Variants in HTR3B observed in about 807,000 individuals in gnomAD.
The protein encoded by HTR3B is 5-hydroxytryptamine (serotonin) receptor 3B, ionotropic.
In HTR3B, 44 loss-of-function variants were observed where a neutral mutation model predicts 42.8. That is an observed-to-expected ratio of 1.03 (90% CI 0.81 to 1.32). The LOEUF (loss-of-function observed/expected upper bound fraction) is 1.32. Ranked by LOEUF, HTR3B falls within the 40% of genes most tolerant of loss-of-function variation. The pLI, the probability that HTR3B is intolerant of heterozygous loss-of-function variation, is 0.00. For missense variants in HTR3B, 527 were observed against 536.5 expected, an observed-to-expected ratio of 0.98 and a Z score of 0.17; for synonymous variants, 203 against 209.0, an observed-to-expected ratio of 0.97 and a Z score of 0.25.
intron 6 of HTR3B, among the ~76,000 whole-genome samples, chr11:113,939,260 C>T (rs1176735): frequency 0.053 from 8,071 of 152,220 alleles, 662 homozygotes; most frequent in African/African-American, 0.18. Context: ...CACCCTTGTC[C>T]CTATGTCTTT....
At chr11:113,917,845 T>C (rs1397520953) in intron 2 of HTR3B, among the ~76,000 whole-genome samples, 1 of 152,168 alleles carries the variant, frequency 6.6e-6, no homozygotes, top group East Asian at 1.9e-4. Flanking sequence ...GCTTAAGCAA[T>C]CTGCCCACCT....
chr11:113,942,761 TTAA>T (rs1950145582), intron 6 of HTR3B, among the ~76,000 whole-genome samples: 7 of 152,212 alleles, frequency 4.6e-5, no homozygotes, highest in Admixed American at 3.9e-4. Context: ...ATTATCACTA[TTAA>T]TAATATTAAT....
intron 2 of HTR3B, 135 bp from the exon 3 acceptor site, chr11:113,931,249 G>T: frequency 3.1e-6 from 2 of 640,384 alleles, no homozygotes; most frequent in Non-Finnish European, 5.5e-6. Flanking sequence ...GTATTGAAGA[G>T]TCTAGGTAAT....
chr11:113,932,370 G>A lies in HTR3B; in HGVS notation c.450G>A (p.Gln150=). The A allele has an allele frequency of 6.2e-7, 1 of 1,613,784 alleles. No individual in the cohort carries two copies. Among genetic ancestry groups the A allele is most frequent in the Non-Finnish European group, 8.5e-7 (1 of 1,179,714 alleles). Residue 150 remains glutamine (Q), a synonymous_variant, in exon 5 of 9, where the codon CAG becomes CAA. Transcript: ENST00000260191. ...SGTIENYKPI[Q]VVSACSLETY... is the part of the protein sequence containing the mutation. ...CCATTGAGAACTATAAGCCCATCCAGGTGGTCTCTGCGTGCAGTTTAGAGA... is the reference window on the plus strand; with the variant it reads ...CCATTGAGAACTATAAGCCCATCCAAGTGGTCTCTGCGTGCAGTTTAGAGA...
intron 2 of HTR3B, among the ~76,000 whole-genome samples, chr11:113,927,358 C>T (rs1949985584): frequency 1.3e-5 from 2 of 151,764 alleles, no homozygotes; most frequent in African/African-American, 4.8e-5. Context: ...AGCTTGGTAA[C>T]TTAAAAAAAT....
chr11:113,905,345 A>C (rs1302999503), intron 1 of HTR3B, among the ~76,000 whole-genome samples: 2 of 152,126 alleles, frequency 1.3e-5, no homozygotes, highest in Non-Finnish European at 2.9e-5. Context: ...TGTGTGGATA[A>C]TATGTTTTTA....
intron 2 of HTR3B, among the ~76,000 whole-genome samples, chr11:113,919,151 C>A (rs1024762227): frequency 6.6e-6 from 1 of 151,554 alleles, no homozygotes; most frequent in Non-Finnish European, 1.5e-5. Flanking sequence ...TTTAGCGATC[C>A]ATCTTTGTAT....
In HTR3B at chr11:113,947,886, G is replaced by A. The variant is rs944517214; in HGVS notation, c.*1749G>A. Among the ~76,000 whole-genome samples the A allele has an allele frequency of 2.1e-4, 32 of 152,158 alleles. No homozygotes were observed. Among genetic ancestry groups the A allele is most frequent in the Admixed American group, 2.0e-3 (30 of 15,278 alleles). ...CTGGCAGGCTGGAGACCTGCTGACAGTCTTAACGCTGTCAGTAGAAGACAC... is the reference window on the plus strand; with the variant it reads ...CTGGCAGGCTGGAGACCTGCTGACAATCTTAACGCTGTCAGTAGAAGACAC... On this transcript the variant is annotated 3_prime_UTR_variant, in exon 9 of 9. Transcript: ENST00000260191.
At chr11:113,910,465 G>A (rs577274728) in intron 2 of HTR3B, among the ~76,000 whole-genome samples, 358 of 148,650 alleles carry the variant, frequency 2.4e-3, no homozygotes, top group Non-Finnish European at 4.5e-3. Context: ...TTTTGAGACG[G>A]AGTCTCTCTC....
At chr11:113,935,277 TC>T (rs1950082087) in intron 6 of HTR3B, among the ~76,000 whole-genome samples, 1 of 151,954 alleles carries the variant, frequency 6.6e-6, no homozygotes, top group South Asian at 2.1e-4. Context: ...CTGCCATGCT[TC>T]CCCCCGGGTA....
rs77451165 is a variant in HTR3B, at chr11:113,909,067, G to A, written c.53-228G>A. 7.8e-5 allele frequency: 45 copies of A among 576,574 alleles called. 1 individual carries two copies. The East Asian group carries it at 9.7e-4, about 12-fold the overall frequency. 35.7% of individuals were successfully genotyped at this position (576,574 alleles called of 1,614,324 possible). ...ACAGTTTTCCAACCTTGGAGATGGC[G>A]TTGATTTACTTGTTTTTACAATGAG... is the stretch of plus-strand genomic sequence containing the variant. On this transcript the variant is annotated intron_variant, in intron 1 of 8. Transcript: ENST00000260191.
At chr11:113,917,273 C>T (rs1949864110) in intron 2 of HTR3B, among the ~76,000 whole-genome samples, 1 of 151,932 alleles carries the variant, frequency 6.6e-6, no homozygotes, top group African/African-American at 2.4e-5. Flanking sequence ...GCTGGGATTA[C>T]AGGTGCCTGC....
At chr11:113,929,893 C>T (rs534401638) in intron 2 of HTR3B, among the ~76,000 whole-genome samples, 4 of 151,988 alleles carry the variant, frequency 2.6e-5, no homozygotes, top group South Asian at 2.1e-4. Flanking sequence ...CGACCACGCC[C>T]GGCTAATTTT....
At chr11:113,913,359 T>A (rs1949816098) in intron 2 of HTR3B, among the ~76,000 whole-genome samples, 3 of 112,944 alleles carry the variant, frequency 2.7e-5, no homozygotes, top group African/African-American at 1.0e-4. Flanking sequence ...AATTTTTTTT[T>A]TTTTTTTTTT....
At position 113,943,087 on chromosome 11, in the gene HTR3B, C is replaced by G. The variant is rs542556393; in HGVS notation, c.802C>G (p.Arg268Gly). Residue 268 changes from arginine (R) to glycine (G), a missense_variant, in exon 7 of 9, where the codon CGA (arginine) becomes GGA (glycine). By Grantham distance (125) the Arg-to-Gly change is moderately radical. Coordinates refer to ENST00000260191, the MANE Select transcript of HTR3B (RefSeq NM_006028.5). ...GAGCTTCTACCTGCCACCCAACTGC[C>G]GAGCCAGGATTGTGTTCAAGACCAG... ...LGSFYLPPNC[R>G]ARIVFKTSVL... 10 of 1,613,958 alleles carry G rather than the reference C, an allele frequency of 6.2e-6. No individual in the cohort carries two copies. In the Admixed American group the frequency reaches 1.7e-4, roughly 27 times the overall value.
the HTR3B span, among the ~76,000 whole-genome samples, chr11:113,898,962 AAACT>A: frequency 6.6e-6 from 1 of 152,172 alleles, no homozygotes; most frequent in Non-Finnish European, 1.5e-5. Flanking sequence ...CAGCCGTAGA[AAACT>A]AACTCAATGC....
At chr11:113,905,352 T>C (rs1216928735) in intron 1 of HTR3B, among the ~76,000 whole-genome samples, 1 of 152,200 alleles carries the variant, frequency 6.6e-6, no homozygotes, top group African/African-American at 2.4e-5. Context: ...ATAATATGTT[T>C]TTATTATCCA....
chr11:113,925,352 G>A (rs943895625), intron 2 of HTR3B, among the ~76,000 whole-genome samples: 4 of 151,150 alleles, frequency 2.6e-5, no homozygotes, highest in Admixed American at 2.6e-4. Flanking sequence ...ACAGAAATAC[G>A]AATGTTACCT....
At chr11:113,942,839 A>G in intron 6 of HTR3B, 143 bp from the exon 7 acceptor site, 1 of 692,132 alleles carries the variant, frequency 1.4e-6, no homozygotes, top group Middle Eastern at 3.6e-4. Flanking sequence ...AACCTGAAAC[A>G]TATTTCTAAG....
Sources: allele counts gnomAD v4.1 joint callset (sites outside exome capture counted in the v4.1 genomes callset), GRCh38; gene constraint gnomAD v4.1.1; transcripts MANE v1.5; gene names NCBI Gene and HGNC (gene_info 2026-07-23, HGNC 2026-07-21).